FAT3: variants seen among roughly 807,000 people sequenced by gnomAD.
FAT3 encodes the protein protocadherin Fat 3.
Under a neutral mutation model 310.2 loss-of-function variants are expected in FAT3, and 95 were observed. The ratio of observed to expected loss-of-function variants is 0.31; its 90% CI spans 0.26 to 0.36. The LOEUF is 0.36. FAT3 is among the 10% of genes least tolerant of loss of function. FAT3 has a pLI of 1.00. For missense variants in FAT3, 5,408 were observed against 5,715.6 expected, an observed-to-expected ratio of 0.95 and a Z score of 1.74; for synonymous variants, 2,314 against 2,192.9, an observed-to-expected ratio of 1.06 and a Z score of -1.54.
At chr11:92,508,290 ACC>A (rs1346680692) in intron 2 of FAT3, among the ~76,000 whole-genome samples, 17 of 152,180 alleles carry the variant, frequency 1.1e-4, no homozygotes, top group African/African-American at 3.9e-4. Flanking sequence ...ACATAAAATC[ACC>A]TGTGAAAGAG....
chr11:92,399,249 T>C (rs1014849925), intron 2 of FAT3, among the ~76,000 whole-genome samples: 1 of 152,232 alleles, frequency 6.6e-6, no homozygotes, highest in African/African-American at 2.4e-5. Context: ...TCAGACATCA[T>C]GTTTCTTGCA....
At chr11:92,643,741 A>G (rs1472530655) in intron 3 of FAT3, among the ~76,000 whole-genome samples, 1 of 152,240 alleles carries the variant, frequency 6.6e-6, no homozygotes, top group Non-Finnish European at 1.5e-5. Context: ...GAAGCCTAAG[A>G]TGCAAAAACT....
chr11:92,340,333 TA>T (rs1948215685), intron 1 of FAT3, among the ~76,000 whole-genome samples: 1 of 152,030 alleles, frequency 6.6e-6, no homozygotes. Flanking sequence ...GTAAGCGGCT[TA>T]AGGCTGTAGG....
chr11:92,564,608 C>T (rs1368140305), intron 3 of FAT3, among the ~76,000 whole-genome samples: 1 of 152,100 alleles, frequency 6.6e-6, no homozygotes, highest in African/African-American at 2.4e-5. Context: ...CACACCACAC[C>T]TATTCCAAAA....
chr11:92,675,941 G>T (rs1943275565), intron 3 of FAT3, among the ~76,000 whole-genome samples: 1 of 152,114 alleles, frequency 6.6e-6, no homozygotes, highest in Non-Finnish European at 1.5e-5. Flanking sequence ...AGAGGATGCT[G>T]CTGCCTGGAT....
chr11:92,733,709 G>A (rs923558600), intron 4 of FAT3, among the ~76,000 whole-genome samples: 9 of 152,048 alleles, frequency 5.9e-5, no homozygotes, highest in South Asian at 2.1e-4. Flanking sequence ...AGTTTGGCAC[G>A]TTATGTTTTA....
chr11:92,633,701 C>T (rs1941645848), intron 3 of FAT3, among the ~76,000 whole-genome samples: 1 of 152,112 alleles, frequency 6.6e-6, no homozygotes, highest in Non-Finnish European at 1.5e-5. Context: ...CAATTGGAGG[C>T]AAAGGATAGA....
chr11:92,326,079 A>C (rs2134514089), intron 1 of FAT3, among the ~76,000 whole-genome samples: 1 of 152,346 alleles, frequency 6.6e-6, no homozygotes, highest in South Asian at 2.1e-4. Flanking sequence ...AATATTGCAG[A>C]CAACCAGTAC....
At chr11:92,277,870 TAA>T (rs144314777) in intron 1 of FAT3, among the ~76,000 whole-genome samples, 3,194 of 146,012 alleles carry the variant, frequency 0.022, 124 homozygotes, top group African/African-American at 0.079. Flanking sequence ...TTTTTTTTTT[TAA>T]AAAAAAAAGG....
intron 1 of FAT3, among the ~76,000 whole-genome samples, chr11:92,225,411 G>A (rs1471968632): frequency 6.6e-6 from 1 of 152,206 alleles, no homozygotes; most frequent in East Asian, 1.9e-4. Flanking sequence ...TGGCCCCGCG[G>A]CGGGAGCCGG....
intron 3 of FAT3, among the ~76,000 whole-genome samples, chr11:92,636,819 A>T (rs1185441549): frequency 6.6e-6 from 1 of 152,226 alleles, no homozygotes; most frequent in East Asian, 1.9e-4. Flanking sequence ...TGTTCTTTTC[A>T]TCATTAGCCT....
chr11:92,613,990 A>G (rs982814723), intron 3 of FAT3, among the ~76,000 whole-genome samples: 1 of 152,190 alleles, frequency 6.6e-6, no homozygotes, highest in Non-Finnish European at 1.5e-5. Context: ...TATAAATGGA[A>G]TCATGTAATA....
chr11:92,445,112 C>T (rs1014594), intron 2 of FAT3, among the ~76,000 whole-genome samples: 46,676 of 152,100 alleles, frequency 0.31, 8,865 homozygotes, highest in Non-Finnish European at 0.41. Flanking sequence ...TGACCTGACA[C>T]TGTGATCTTG....
rs946912243 is a variant in FAT3, at chr11:92,852,827, T to C, written c.11366-4387T>C. 3.9e-5 allele frequency among the ~76,000 whole-genome samples: 6 copies of C among 152,296 alleles called. No individual in the cohort carries two copies. In the South Asian group the frequency reaches 1.2e-3, roughly 32 times the overall value. On this transcript the variant is annotated intron_variant, in intron 19 of 27. Transcript: ENST00000525166. ...CATGATTTAATTACATGTCATGCTA[T>C]GGGTTATGACAGAAGGAAATAAGAA...
chr11:92,705,705 G>A (rs1263401805), intron 4 of FAT3, among the ~76,000 whole-genome samples: 57 of 113,972 alleles, frequency 5.0e-4, no homozygotes, highest in South Asian at 6.2e-4. Context: ...TGGTGTGATC[G>A]TGGTGGTGGT....
intron 8 of FAT3, among the ~76,000 whole-genome samples, chr11:92,792,533 C>T (rs1031777688): frequency 2.2e-4 from 33 of 152,140 alleles, no homozygotes; most frequent in African/African-American, 8.0e-4. Context: ...GAGCACAGAC[C>T]ACAGGCCAGA....
At chr11:92,753,665 A>G (rs1045494953) in intron 4 of FAT3, among the ~76,000 whole-genome samples, 3 of 152,080 alleles carry the variant, frequency 2.0e-5, no homozygotes, top group African/African-American at 4.8e-5. Flanking sequence ...AGGTTCCTCA[A>G]AAACTAAAAA....
chr11:92,872,938 C>T (rs796204605), intron 22 of FAT3, among the ~76,000 whole-genome samples: 8 of 152,288 alleles, frequency 5.3e-5, no homozygotes, highest in African/African-American at 1.9e-4. Context: ...CACCAGTTTT[C>T]TCATACTAAT....
chr11:92,785,433 A>G (rs769103912), intron 7 of FAT3, among the ~76,000 whole-genome samples: 10 of 152,294 alleles, frequency 6.6e-5, no homozygotes, highest in Middle Eastern at 3.4e-3. Flanking sequence ...GAAAAAGGTA[A>G]AACTATCTCT....
Sources: allele counts gnomAD v4.1 joint callset (sites outside exome capture counted in the v4.1 genomes callset), GRCh38; gene constraint gnomAD v4.1.1; transcripts MANE v1.5; gene names NCBI Gene and HGNC (gene_info 2026-07-23, HGNC 2026-07-21).